DAB1: variants seen among roughly 807,000 people sequenced by gnomAD.
The protein encoded by DAB1 is disabled homolog 1.
Under a neutral mutation model 64.6 loss-of-function variants are expected in DAB1, and 15 were observed. The ratio of observed to expected loss-of-function variants is 0.23; its 90% CI spans 0.16 to 0.36. DAB1 has a LOEUF of 0.36. Among genes scored for constraint, DAB1 ranks in the 10% least tolerant of loss-of-function variants. DAB1 has a pLI of 1.00. For missense variants in DAB1, 596 were observed against 706.7 expected (o/e 0.84, Z 1.78); for synonymous variants, 235 against 251.9 (o/e 0.93, Z 0.64).
At chr1:57,719,521 G>T (rs1031116408) in intron 6 of DAB1, among the ~76,000 whole-genome samples, 4 of 152,230 alleles carry the variant, frequency 2.6e-5, no homozygotes, top group African/African-American at 9.6e-5. Flanking sequence ...GGAGGGACCT[G>T]GTGGGAGGTG....
intron 3 of DAB1, among the ~76,000 whole-genome samples, chr1:58,464,005 A>G (rs1645270074): frequency 6.6e-6 from 1 of 152,208 alleles, no homozygotes; most frequent in Admixed American, 6.5e-5. Context: ...GCATCCAGCC[A>G]GAGGGGTCAA....
At chr1:57,621,825 C>A (rs1206198621) in intron 7 of DAB1, among the ~76,000 whole-genome samples, 1 of 152,148 alleles carries the variant, frequency 6.6e-6, no homozygotes, top group Non-Finnish European at 1.5e-5. Context: ...CAGATAGGCC[C>A]CCAATTACTT....
At chr1:57,792,149 G>A (rs1226307460) in intron 6 of DAB1, among the ~76,000 whole-genome samples, 1 of 152,090 alleles carries the variant, frequency 6.6e-6, no homozygotes, top group Non-Finnish European at 1.5e-5. Flanking sequence ...TCTCCTTACT[G>A]TTGTCTCCCT....
intron 4 of DAB1, among the ~76,000 whole-genome samples, chr1:58,169,529 A>AT (rs1553164930): frequency 6.6e-6 from 1 of 152,174 alleles, no homozygotes; most frequent in Non-Finnish European, 1.5e-5. Flanking sequence ...GGGGAAAAAA[A>AT]GCCATCTGAG....
chr1:57,930,369 T>C lies in DAB1; in HGVS notation n.388-46207A>G, dbSNP rs1644937192. ...ATTGTGTTGGCTATTCTGGGTCTTT[T>C]GCCTCACCATATAAATGTTAGAATT... On this transcript the variant is annotated intron_variant and non_coding_transcript_variant, in intron 5 of 20. Transcript: ENST00000485760. Among the ~76,000 whole-genome samples the C allele has an allele frequency of 3.3e-5, 5 of 152,234 alleles. No homozygotes were observed. In the South Asian group the frequency reaches 1.0e-3, roughly 31 times the overall value.
chr1:57,730,646 A>G (rs562743935), intron 6 of DAB1, among the ~76,000 whole-genome samples: 1 of 152,136 alleles, frequency 6.6e-6, no homozygotes, highest in Non-Finnish European at 1.5e-5. Flanking sequence ...ATTGATCTTT[A>G]CTTCTCACAT....
chr1:57,145,322 T>A lies in DAB1; in HGVS notation c.175A>T (p.Lys59Ter), dbSNP rs769458455. Residue 59 changes from lysine (K) to a stop codon, truncating the protein, a stop_gained, in exon 3 of 15, where the codon AAG (lysine) becomes TAG (stop). Coordinates refer to ENST00000371236, the MANE Select transcript of DAB1 (RefSeq NM_001365792.1). LOFTEE classifies it high-confidence loss of function. The stretch of plus-strand genomic sequence containing the variant: ...TTCATCATGGAATCTTGACATAACT[T>A]GTCTCCCCGAGCTGCGGAAACTTCA... ...IDEVSAARGD[K>*]LCQDSMMKLK... 1 of 1,614,126 alleles carries A rather than the reference T, an allele frequency of 6.2e-7. No homozygotes were observed. The highest frequency in any genetic ancestry group is 1.7e-5 in the Admixed American group (1 of 60,014).
At chr1:57,486,033 TTG>T (rs1644087200) in intron 7 of DAB1, among the ~76,000 whole-genome samples, 1 of 152,194 alleles carries the variant, frequency 6.6e-6, no homozygotes, top group Non-Finnish European at 1.5e-5. Context: ...CCCTAATTAA[TTG>T]TACCTTCTCT....
chr1:57,536,582 C>A (rs1447515583), intron 7 of DAB1, among the ~76,000 whole-genome samples: 1 of 149,468 alleles, frequency 6.7e-6, no homozygotes, highest in African/African-American at 2.5e-5. Context: ...AAACCTAATA[C>A]ACGTCCTAGA....
At chr1:57,969,148 G>A (rs1039566514) in intron 5 of DAB1, among the ~76,000 whole-genome samples, 2 of 151,872 alleles carry the variant, frequency 1.3e-5, no homozygotes, top group African/African-American at 2.4e-5. Flanking sequence ...AATTTATTCC[G>A]AATTTCTCAT....
chr1:57,157,811 C>A (rs940943881), intron 2 of DAB1, among the ~76,000 whole-genome samples: 1 of 152,284 alleles, frequency 6.6e-6, no homozygotes, highest in Non-Finnish European at 1.5e-5. Flanking sequence ...ATGTGAAAAG[C>A]TGAATGCTAC....
At chr1:58,323,584 A>G (rs72668001) in intron 4 of DAB1, among the ~76,000 whole-genome samples, 1,823 of 152,232 alleles carry the variant, frequency 0.012, 13 homozygotes, top group Admixed American at 0.018. Context: ...AGTGGGATAC[A>G]TTCGACATAC....
chr1:58,486,910 T>C (rs1046196515), intron 3 of DAB1, among the ~76,000 whole-genome samples: 1 of 152,160 alleles, frequency 6.6e-6, no homozygotes, highest in Non-Finnish European at 1.5e-5. Flanking sequence ...GAAAGGGGCA[T>C]GTGGTGAAGT....
intron 2 of DAB1, among the ~76,000 whole-genome samples, chr1:57,202,575 A>C (rs1042559276): frequency 6.6e-6 from 1 of 152,226 alleles, no homozygotes; most frequent in African/African-American, 2.4e-5. Context: ...AGGTGGGAAG[A>C]TTTACTCACT....
At chr1:58,417,546 C>T (rs1390775378) in intron 3 of DAB1, among the ~76,000 whole-genome samples, 1 of 152,224 alleles carries the variant, frequency 6.6e-6, no homozygotes, top group Non-Finnish European at 1.5e-5. Context: ...GAAAGGCTAA[C>T]TCTTCCTCCT....
At chr1:58,220,575 A>G (rs1195560549) in intron 4 of DAB1, among the ~76,000 whole-genome samples, 4 of 152,182 alleles carry the variant, frequency 2.6e-5, no homozygotes, top group Non-Finnish European at 5.9e-5. Context: ...GTGTAAGTAT[A>G]GAGCCCGCCA....
intron 4 of DAB1, among the ~76,000 whole-genome samples, chr1:58,249,926 C>T (rs1469613560): frequency 6.6e-6 from 1 of 152,218 alleles, no homozygotes; most frequent in Non-Finnish European, 1.5e-5. Flanking sequence ...CGCCTTCCCG[C>T]TCTTCGCGGT....
At chr1:57,088,953 C>T (rs1018778419) in intron 4 of DAB1, among the ~76,000 whole-genome samples, 8 of 152,160 alleles carry the variant, frequency 5.3e-5, no homozygotes, top group Non-Finnish European at 1.0e-4. Flanking sequence ...AGGACCGGAA[C>T]GGTGAAGCAC....
At chr1:58,170,656 T>A (rs1308356526) in intron 4 of DAB1, among the ~76,000 whole-genome samples, 1 of 152,006 alleles carries the variant, frequency 6.6e-6, no homozygotes, top group African/African-American at 2.4e-5. Context: ...AATCACAAGG[T>A]GGGGCTTGTT....
Sources: allele counts gnomAD v4.1 joint callset (sites outside exome capture counted in the v4.1 genomes callset), GRCh38; gene constraint gnomAD v4.1.1; transcripts MANE v1.5; gene names NCBI Gene and HGNC (gene_info 2026-07-23, HGNC 2026-07-21).